The following LHFPL3 variants were observed in gnomAD, a reference collection of about 807,000 sequenced individuals.
The protein encoded by LHFPL3 is LHFPL tetraspan subfamily member 3 protein.
Under a neutral mutation model 19.3 loss-of-function variants are expected in LHFPL3, and 5 were observed. The observed-to-expected ratio is 0.26, with a 90% CI of 0.14 to 0.54. LHFPL3 has a LOEUF of 0.54. Among genes scored for constraint, LHFPL3 ranks in the 20% least tolerant of loss-of-function variants. The pLI is 0.94. For synonymous variants in LHFPL3, 133 were observed against 126.2 expected, an observed-to-expected ratio of 1.05 and a Z score of -0.36; for missense variants, 249 against 307.4, an observed-to-expected ratio of 0.81 and a Z score of 1.42.
At chr7:104,497,965 G>A (rs1464197072) in intron 1 of LHFPL3, among the ~76,000 whole-genome samples, 1 of 152,132 alleles carries the variant, frequency 6.6e-6, no homozygotes, top group African/African-American at 2.4e-5. Flanking sequence ...GGGAACCCTA[G>A]GTGTGGGGTG....
chr7:104,520,522 G>A (rs1429577052), intron 1 of LHFPL3, among the ~76,000 whole-genome samples: 9 of 138,678 alleles, frequency 6.5e-5, no homozygotes, highest in African/African-American at 1.9e-4. Flanking sequence ...AGAAGGAATG[G>A]TACCAGTTCC....
At chr7:104,848,670 G>C (rs541519603) in intron 2 of LHFPL3, among the ~76,000 whole-genome samples, 2 of 152,244 alleles carry the variant, frequency 1.3e-5, no homozygotes, top group Admixed American at 1.3e-4. Context: ...AAAGGAGGAG[G>C]AAAGGAGTCC....
intron 2 of LHFPL3, among the ~76,000 whole-genome samples, chr7:104,767,271 A>T (rs1362668439): frequency 1.3e-5 from 2 of 152,204 alleles, no homozygotes; most frequent in African/African-American, 4.8e-5. Flanking sequence ...GAGAGAGGCC[A>T]TTTGGCCCTG....
chr7:104,857,725 T>A (rs910972269), intron 2 of LHFPL3, among the ~76,000 whole-genome samples: 2 of 152,248 alleles, frequency 1.3e-5, no homozygotes, highest in African/African-American at 4.8e-5. Context: ...ATCTGGAGAA[T>A]TGTAATTTTT....
intron 1 of LHFPL3, among the ~76,000 whole-genome samples, chr7:104,331,307 A>T (rs1801563189): frequency 6.6e-6 from 1 of 152,234 alleles, no homozygotes; most frequent in South Asian, 2.1e-4. Context: ...AAATGTGGGG[A>T]TAGTTTTTGT....
intron 1 of LHFPL3, among the ~76,000 whole-genome samples, chr7:104,501,406 T>A (rs551799042): frequency 6.6e-6 from 1 of 152,354 alleles, no homozygotes; most frequent in Non-Finnish European, 1.5e-5. Context: ...GTTGCTAATA[T>A]GATTTAAACT....
chr7:104,673,325 A>G (rs150340688), intron 1 of LHFPL3, among the ~76,000 whole-genome samples: 129 of 152,318 alleles, frequency 8.5e-4, no homozygotes, highest in Non-Finnish European at 1.6e-3. Flanking sequence ...CCAAAAATAG[A>G]CTATTAAATA....
chr7:104,431,775 A>G (rs995841278), intron 1 of LHFPL3, among the ~76,000 whole-genome samples: 11 of 152,226 alleles, frequency 7.2e-5, no homozygotes, highest in African/African-American at 2.7e-4. Context: ...TTGTATTGAG[A>G]AATACTATTT....
At chr7:104,741,131 T>C (rs1793929193) in intron 2 of LHFPL3, among the ~76,000 whole-genome samples, 1 of 152,212 alleles carries the variant, frequency 6.6e-6, no homozygotes, top group Non-Finnish European at 1.5e-5. Flanking sequence ...TCTCCACTTC[T>C]ACAGACTGCT....
chr7:104,360,748 T>C (rs1790376355), intron 1 of LHFPL3, among the ~76,000 whole-genome samples: 1 of 150,166 alleles, frequency 6.7e-6, no homozygotes. Context: ...TGTGTATACA[T>C]TTACATACTT....
intron 1 of LHFPL3, among the ~76,000 whole-genome samples, chr7:104,476,523 C>T (rs1793020943): frequency 6.6e-6 from 1 of 151,768 alleles, no homozygotes; most frequent in Non-Finnish European, 1.5e-5. Flanking sequence ...GCAAATGGCA[C>T]GATCTCGGCT....
chr7:104,403,826 G>T (rs1210737524), intron 1 of LHFPL3, among the ~76,000 whole-genome samples: 1 of 151,880 alleles, frequency 6.6e-6, no homozygotes, highest in African/African-American at 2.4e-5. Flanking sequence ...GCTGGGCTCA[G>T]CAAACTACAG....
chr7:104,539,666 C>T (rs1231321299), intron 1 of LHFPL3, among the ~76,000 whole-genome samples: 2 of 152,120 alleles, frequency 1.3e-5, no homozygotes, highest in African/African-American at 4.8e-5. Flanking sequence ...TAATGAAATC[C>T]TCACCAATGT....
intron 1 of LHFPL3, among the ~76,000 whole-genome samples, chr7:104,602,918 A>G (rs1250993150): frequency 6.6e-6 from 1 of 151,876 alleles, no homozygotes; most frequent in Non-Finnish European, 1.5e-5. Context: ...TCAGGAACAC[A>G]CTCCCATGAC....
intron 2 of LHFPL3, among the ~76,000 whole-genome samples, chr7:104,854,906 T>C (rs1310571240): frequency 6.6e-6 from 1 of 152,210 alleles, no homozygotes. Context: ...GGCGTATAAT[T>C]TCTCATAATT....
At chr7:104,542,598 G>GTCA (rs1182285765) in intron 1 of LHFPL3, among the ~76,000 whole-genome samples, 1 of 149,604 alleles carries the variant, frequency 6.7e-6, no homozygotes, top group Non-Finnish European at 1.5e-5. Flanking sequence ...GAATAGACAA[G>GTCA]TCATAGTCCT....
intron 2 of LHFPL3, among the ~76,000 whole-genome samples, chr7:104,797,893 G>A (rs1395351066): frequency 6.6e-6 from 1 of 152,144 alleles, no homozygotes; most frequent in East Asian, 1.9e-4. Flanking sequence ...TCCAGCCTGG[G>A]TGACAGAGTG....
intron 1 of LHFPL3, among the ~76,000 whole-genome samples, chr7:104,583,360 A>G (rs1378199489): frequency 6.6e-6 from 1 of 152,192 alleles, no homozygotes; most frequent in South Asian, 2.1e-4. Flanking sequence ...TAAAAACCCT[A>G]GAAGAAAACC....
At chr7:104,862,219 A>C (rs1050623725) in intron 2 of LHFPL3, among the ~76,000 whole-genome samples, 1 of 152,198 alleles carries the variant, frequency 6.6e-6, no homozygotes, top group Non-Finnish European at 1.5e-5. Context: ...CAGAAAAATC[A>C]GACCCCCACC....
Sources: gnomAD v4.1 joint callset for allele counts (sites outside exome capture counted in the v4.1 genomes callset) on GRCh38, gnomAD v4.1.1 for gene constraint, MANE v1.5 for transcripts, NCBI Gene and HGNC (gene_info 2026-07-23, HGNC 2026-07-21) for gene names.